TRPV1: variants seen among roughly 807,000 people sequenced by gnomAD.
TRPV1 encodes transient receptor potential cation channel subfamily V member 1, also known as OTRPC1.
In TRPV1, 82 loss-of-function variants were observed where a neutral mutation model predicts 82.3. The observed-to-expected ratio is 1.00, with a 90% CI of 0.83 to 1.20. TRPV1 has a LOEUF of 1.20. TRPV1 is among the 50% of genes most tolerant of loss of function. TRPV1 has a pLI of 0.00. For missense variants in TRPV1, 1,067 were observed against 1,096.8 expected, an observed-to-expected ratio of 0.97 and a Z score of 0.38; for synonymous variants, 515 against 467.7, an observed-to-expected ratio of 1.10 and a Z score of -1.30.
intron 2 of TRPV1, among the ~76,000 whole-genome samples, chr17:3,594,127 CAAAA>C (rs57620622): frequency 4.1e-3 from 189 of 46,472 alleles, no homozygotes; most frequent in African/African-American, 0.032. Context: ...AACTCTGTCT[CAAAA>C]AAAAAAAAAA....
chr17:3,579,249 C>A (rs553882202), intron 11 of TRPV1, among the ~76,000 whole-genome samples: 1 of 151,978 alleles, frequency 6.6e-6, no homozygotes, highest in Non-Finnish European at 1.5e-5. Context: ...TTTTACTTGT[C>A]CAAAAAAAAA....
chr17:3,573,041 G>A (rs1310295723), intron 14 of TRPV1, among the ~76,000 whole-genome samples: 2 of 150,430 alleles, frequency 1.3e-5, no homozygotes, highest in African/African-American at 2.4e-5. Context: ...TCACAGGACT[G>A]TTGTGAGGAT....
chr17:3,582,511 C>T (rs919565041), intron 10 of TRPV1, among the ~76,000 whole-genome samples: 14 of 151,544 alleles, frequency 9.2e-5, no homozygotes, highest in African/African-American at 3.4e-4. Flanking sequence ...GAAGCTGAAA[C>T]TAGAAATCTT....
At chr17:3,598,035 A>G (rs778403853) in intron 2 of TRPV1, among the ~76,000 whole-genome samples, 1 of 152,232 alleles carries the variant, frequency 6.6e-6, no homozygotes, top group Non-Finnish European at 1.5e-5. Context: ...AAGACCCACA[A>G]GAGAGAAACG....
At chr17:3,593,081 C>CGTGTGTGT in intron 2 of TRPV1, among the ~76,000 whole-genome samples, 1 of 112,904 alleles carries the variant, frequency 8.9e-6, no homozygotes, top group African/African-American at 5.5e-5. Context: ...AATGTTTAGG[C>CGTGTGTGT]GTGTGTGTGT....
At position 3,577,668 on chromosome 17, in the gene TRPV1, C is replaced by T. The variant is rs780508943; in HGVS notation, c.1643G>A (p.Gly548Asp). ...VASMVFSLAL[G>D]WTNMLYYTRG... ...GGTGTAGTAGAGCATGTTGGTCCAG[C>T]CCAAGGCCAGGGAGAATACCATGGA... Residue 548 changes from glycine to aspartate, a missense_variant, in exon 12 of 17, where the codon GGC becomes GAC. Physicochemically the swap from Gly to Asp is moderately conservative, Grantham distance 94. Coordinates refer to ENST00000572705, the MANE Select transcript of TRPV1 (RefSeq NM_080704.4). The T allele has an allele frequency of 1.4e-5, 23 of 1,587,662 alleles. No individual in the cohort carries two copies. The Admixed American group carries it at 3.2e-4, about 22-fold the overall frequency.
intron 13 of TRPV1, among the ~76,000 whole-genome samples, chr17:3,574,917 CAAAAAAAAA>C (rs55990804): frequency 1.2e-5 from 1 of 82,932 alleles, no homozygotes. Flanking sequence ...GACTCTATCT[CAAAAAAAAA>C]AAAAAAAAAA....
At chr17:3,594,324 CTT>C (rs79268135) in intron 2 of TRPV1, among the ~76,000 whole-genome samples, 23 of 137,426 alleles carry the variant, frequency 1.7e-4, no homozygotes, top group Admixed American at 3.7e-4. Context: ...CCTGCATTTT[CTT>C]TTTTTTTTTT....
intron 13 of TRPV1, among the ~76,000 whole-genome samples, chr17:3,575,045 C>A (rs545860608): frequency 5.3e-5 from 8 of 151,968 alleles, no homozygotes; most frequent in African/African-American, 1.7e-4. Context: ...AGGATTATAA[C>A]CCATTTAACA....
intron 8 of TRPV1, 98 bp from the exon 9 acceptor site, chr17:3,586,024 A>G: frequency 1.4e-6 from 2 of 1,477,040 alleles, no homozygotes; most frequent in Non-Finnish European, 1.8e-6. Flanking sequence ...TGTGGCCCGC[A>G]CAGTCCTCAG....
intron 2 of TRPV1, among the ~76,000 whole-genome samples, chr17:3,601,467 G>A (rs921528439): frequency 2.0e-5 from 3 of 149,488 alleles, no homozygotes; most frequent in South Asian, 2.1e-4. Context: ...CACACTAAAC[G>A]TGCTGACTCC....
intron 8 of TRPV1, among the ~76,000 whole-genome samples, chr17:3,586,929 G>C (rs1177716857): frequency 1.3e-5 from 2 of 152,118 alleles, no homozygotes. Flanking sequence ...CTTCTTGAAT[G>C]CCTTTGGGAA....
rs200668352 is a variant in TRPV1, at chr17:3,590,339, G to A, written c.658C>T (p.Leu220Phe). ...IERRNMALVT[L>F]LVENGADVQA... ...ACGTCTGCTCCGTTCTCCACCAGGA[G>A]GGTCACCAGGGCCATGTTGCGTCTC... The change falls in exon 6 of 17, where the codon CTC becomes TTC. Residue 220 changes from leucine (L) to phenylalanine (F), a missense_variant. Coordinates refer to ENST00000572705, the MANE Select transcript of TRPV1 (RefSeq NM_080704.4). 2.5e-6 allele frequency: 4 copies of A among 1,614,026 alleles called. No individual in the cohort carries two copies. The highest frequency in any genetic ancestry group is 3.4e-6 in the Non-Finnish European group (4 of 1,179,898).
chr17:3,585,977 G>C, intron 8 of TRPV1, 51 bp from the exon 9 acceptor site: 1 of 1,605,484 alleles, frequency 6.2e-7, no homozygotes, highest in South Asian at 1.1e-5. Flanking sequence ...GGAACTCCTC[G>C]CACGCCCACA....
chr17:3,576,721 C>T (rs559757891), intron 13 of TRPV1, among the ~76,000 whole-genome samples: 172 of 131,078 alleles, frequency 1.3e-3, no homozygotes, highest in Non-Finnish European at 2.2e-3. Flanking sequence ...TGGTCGTGGG[C>T]GCCTGTAATC....
intron 2 of TRPV1, among the ~76,000 whole-genome samples, chr17:3,594,868 CAG>C (rs779436148): frequency 6.6e-6 from 1 of 152,114 alleles, no homozygotes; most frequent in Non-Finnish European, 1.5e-5. Context: ...GGGAAGGGAA[CAG>C]AGGTGGGCTA....
intron 8 of TRPV1, among the ~76,000 whole-genome samples, chr17:3,586,481 G>A (rs1050262553): frequency 1.3e-5 from 2 of 152,246 alleles, no homozygotes; most frequent in Non-Finnish European, 2.9e-5. Context: ...CTTTGATAAA[G>A]TTCAAATAGG....
rs770538955 is a variant in TRPV1, at chr17:3,583,324, G to A, written c.1476+14C>T. On this transcript the variant is annotated intron_variant, in intron 10 of 16. Coordinates refer to ENST00000572705, the MANE Select transcript of TRPV1 (RefSeq NM_080704.4). ...GTGATAATGGAAACTCACAATGTGG[G>A]AAGGAACGCTTACCCCTCGGAAAAA... 1.3e-6 allele frequency: 2 copies of A among 1,597,046 alleles called. No homozygotes were observed. Among genetic ancestry groups the A allele is most frequent in the Non-Finnish European group, 1.7e-6 (2 of 1,170,624 alleles).
chr17:3,582,651 T>G (rs1371258821), intron 10 of TRPV1, among the ~76,000 whole-genome samples: 1 of 151,010 alleles, frequency 6.6e-6, no homozygotes, highest in Non-Finnish European at 1.5e-5. Flanking sequence ...ATGTTTGAGT[T>G]TCAGGTTAAA....
Sources: allele counts gnomAD v4.1 joint callset (sites outside exome capture counted in the v4.1 genomes callset), GRCh38; gene constraint gnomAD v4.1.1; transcripts MANE v1.5; gene names NCBI Gene and HGNC (gene_info 2026-07-23, HGNC 2026-07-21).